PARP8: variants seen among roughly 807,000 people sequenced by gnomAD.
PARP8 encodes the protein protein mono-ADP-ribosyltransferase PARP8.
PARP8 carries 51 observed loss-of-function variants against 124.1 expected under a neutral mutation model. The observed-to-expected ratio is 0.41, with a 90% CI of 0.33 to 0.52. The LOEUF is 0.52. Among genes scored for constraint, PARP8 ranks in the 20% least tolerant of loss-of-function variants. The pLI, the probability that PARP8 is intolerant of heterozygous loss-of-function variation, is 0.21. For missense variants in PARP8, 860 were observed against 1,018.9 expected, an observed-to-expected ratio of 0.84 and a Z score of 2.12; for synonymous variants, 391 against 361.5, an observed-to-expected ratio of 1.08 and a Z score of -0.93.
At chr5:50,726,069 C>T (rs1038953595) in intron 2 of PARP8, among the ~76,000 whole-genome samples, 5 of 151,994 alleles carry the variant, frequency 3.3e-5, no homozygotes, top group Non-Finnish European at 7.4e-5. Flanking sequence ...GTGGTTATTC[C>T]ACAGCTTATG....
Position 50,666,903 on chromosome 5 carries a change from CCCTCCT to C in PARP8, c.-181_-176del, listed in dbSNP as rs151280834. On this transcript the variant is annotated 5_prime_UTR_variant, in exon 1 of 26. Coordinates refer to ENST00000281631, the MANE Select transcript of PARP8 (RefSeq NM_024615.4). ...ATCTGGGAATGCAAAGCCGACCTCCCCCTCCTCCTCCTCCTCCCCCTCCTCCTCCTC... is the reference window on the plus strand; with the variant it reads ...ATCTGGGAATGCAAAGCCGACCTCCCCCTCCTCCTCCCCCTCCTCCTCCTC... 2.8e-6 allele frequency: 3 copies of C among 1,073,326 alleles called. No individual in the cohort carries two copies. The highest frequency in any genetic ancestry group is 1.8e-5 in the South Asian group (1 of 56,220). 66.5% of individuals were successfully genotyped at this position (1,073,326 alleles called of 1,614,324 possible). A position where few individuals can be genotyped will look rare whatever the true frequency, so the allele number is the denominator to read the frequency against.
chr5:50,801,565 T>C (rs1743233859), intron 14 of PARP8, among the ~76,000 whole-genome samples: 1 of 152,366 alleles, frequency 6.6e-6, no homozygotes, highest in South Asian at 2.1e-4. Context: ...TCATTCCTGA[T>C]GTTGAACATT....
rs1401819239 is a variant in PARP8 at position 50,700,383 on chromosome 5, A to G, written c.146+32258A>G. Among the ~76,000 whole-genome samples, 4 of 152,208 alleles carry G rather than the reference A, an allele frequency of 2.6e-5. No homozygotes were observed. In the East Asian group the frequency reaches 5.8e-4, roughly 22 times the overall value. On this transcript the variant is annotated intron_variant, in intron 2 of 25. Transcript: ENST00000281631. ...AGATAACTTCATTCACAGTTGGGAG[A>G]CAAGATAATAAGTTTAAAGATAAAA...
chr5:50,758,948 A>G (rs1760254549), intron 3 of PARP8, among the ~76,000 whole-genome samples: 1 of 152,222 alleles, frequency 6.6e-6, no homozygotes, highest in Non-Finnish European at 1.5e-5. Context: ...CATGTAGCTA[A>G]TTTAATTCAT....
intron 3 of PARP8, among the ~76,000 whole-genome samples, chr5:50,751,095 A>G (rs1380186837): frequency 2.4e-5 from 1 of 41,666 alleles, no homozygotes; most frequent in Non-Finnish European, 7.5e-5. Flanking sequence ...CATGAGAAGT[A>G]CAGGACTTTA....
chr5:50,834,172 C>CAA (rs1747308018), intron 24 of PARP8, 124 bp downstream of exon 24: 1 of 755,922 alleles, frequency 1.3e-6, no homozygotes, highest in South Asian at 2.2e-5. Flanking sequence ...ATGATCATCT[C>CAA]AAAGGGCACA....
In PARP8 at chr5:50,666,779, C is replaced by A. The variant is rs1340737937; in HGVS notation, c.-317C>A. 2.2e-6 allele frequency: 2 copies of A among 914,418 alleles called. No individual in the cohort carries two copies. Among genetic ancestry groups the A allele is most frequent in the East Asian group, 7.3e-5 (1 of 13,716 alleles). The allele number at this position is 914,418 out of a possible 1,614,324, so 56.6% of individuals were successfully genotyped here. A position where few individuals can be genotyped will look rare whatever the true frequency, so the allele number is the denominator to read the frequency against. On this transcript the variant is annotated 5_prime_UTR_variant, in exon 1 of 26. Transcript: ENST00000281631. ...CGGCCCCCACGGCCGTTGGTCCGGG[C>A]GGGTGAGGGAGAAAGTGAGACTTGG...
At chr5:50,819,403 T>C (rs1745484177) in intron 15 of PARP8, among the ~76,000 whole-genome samples, 1 of 149,706 alleles carries the variant, frequency 6.7e-6, no homozygotes, top group Non-Finnish European at 1.5e-5. Flanking sequence ...CCCTACAAGG[T>C]CTCAGAAAAG....
intron 2 of PARP8, among the ~76,000 whole-genome samples, chr5:50,681,989 T>C (rs2149446790): frequency 6.6e-6 from 1 of 152,316 alleles, no homozygotes; most frequent in African/African-American, 2.4e-5. Context: ...AGATATATTT[T>C]TGGTTGGTTT....
rs143621127 is a variant in PARP8, at chr5:50,756,662, T to C, written c.185-2981T>C. ...ATTGTCAAATAAAGCTTGATTATAG[T>C]CAAGTTATACAACAGGATGATTTGA... On this transcript the variant is annotated intron_variant, in intron 3 of 25. Transcript: ENST00000281631. Among the ~76,000 whole-genome samples, 412 of 152,286 alleles carry C rather than the reference T, an allele frequency of 2.7e-3. 5 individuals carry two copies. In the East Asian group the frequency reaches 0.039, roughly 14 times the overall value.
intron 7 of PARP8, among the ~76,000 whole-genome samples, chr5:50,764,746 A>G (rs1049575003): frequency 6.6e-6 from 1 of 152,072 alleles, no homozygotes; most frequent in Non-Finnish European, 1.5e-5. Context: ...AGTGTTATAG[A>G]ATGCATATAT....
intron 9 of PARP8, among the ~76,000 whole-genome samples, chr5:50,784,320 G>C (rs1740999213): frequency 6.6e-6 from 1 of 152,082 alleles, no homozygotes. Flanking sequence ...TGAAACTAAA[G>C]ATAAGGATTA....
chr5:50,749,527 G>A (rs1197015423), intron 2 of PARP8, among the ~76,000 whole-genome samples: 2 of 152,104 alleles, frequency 1.3e-5, no homozygotes, highest in Non-Finnish European at 2.9e-5. Context: ...GGGTTACTGA[G>A]AAGTGAGTTG....
upstream of PARP8, chr5:50,665,971 T>G (rs894507509): frequency 6.6e-6 from 1 of 152,234 alleles, no homozygotes; most frequent in Non-Finnish European, 1.5e-5. Flanking sequence ...GTTTTAAAAA[T>G]CAAGCCAAAC....
intron 3 of PARP8, among the ~76,000 whole-genome samples, chr5:50,757,734 A>T (rs1264159282): frequency 6.6e-6 from 1 of 152,132 alleles, no homozygotes; most frequent in Non-Finnish European, 1.5e-5. Flanking sequence ...AGCCATTTTG[A>T]TAGAAAATCC....
intron 9 of PARP8, among the ~76,000 whole-genome samples, 173 bp from the exon 10 acceptor site, chr5:50,788,350 A>G (rs775342035): frequency 7.4e-5 from 11 of 148,894 alleles, no homozygotes; most frequent in Non-Finnish European, 1.3e-4. Context: ...ATAATGACCA[A>G]TAATCTCCTA....
chr5:50,750,084 T>A, intron 2 of PARP8, 67 bp from the exon 3 acceptor site: 1 of 1,274,974 alleles, frequency 7.8e-7, no homozygotes, highest in Non-Finnish European at 1.1e-6. Flanking sequence ...TTGGTTTGTC[T>A]TTTTTTTATA....
At chr5:50,718,917 T>G (rs1755595156) in intron 2 of PARP8, among the ~76,000 whole-genome samples, 3 of 151,932 alleles carry the variant, frequency 2.0e-5, no homozygotes, top group Non-Finnish European at 2.9e-5. Context: ...GTGGCTGTAC[T>G]AATTCCCACC....
At chr5:50,812,364 T>C (rs1271834473) in intron 14 of PARP8, among the ~76,000 whole-genome samples, 2 of 152,236 alleles carry the variant, frequency 1.3e-5, no homozygotes, top group Admixed American at 1.3e-4. Flanking sequence ...CATTTTTTCA[T>C]GTGTCTGTTG....
Sources: allele counts gnomAD v4.1 joint callset (sites outside exome capture counted in the v4.1 genomes callset), GRCh38; gene constraint gnomAD v4.1.1; transcripts MANE v1.5; gene names NCBI Gene and HGNC (gene_info 2026-07-23, HGNC 2026-07-21).